NRXN2: variants seen among roughly 807,000 people sequenced by gnomAD.
The protein encoded by NRXN2 is neurexin 2.
Under a neutral mutation model 128.8 loss-of-function variants are expected in NRXN2, and 29 were observed. That is an observed-to-expected ratio of 0.23 (90% CI 0.17 to 0.31). The LOEUF (loss-of-function observed/expected upper bound fraction) is 0.31, where lower values mean the gene tolerates loss of function less well. Ranked by LOEUF, NRXN2 falls within the 10% of genes least tolerant of loss-of-function variation. NRXN2 has a pLI of 1.00. For synonymous variants in NRXN2, 1,098 were observed against 1,075.2 expected, an observed-to-expected ratio of 1.02 and a Z score of -0.41; for missense variants, 1,881 against 2,452.6, an observed-to-expected ratio of 0.77 and a Z score of 4.92.
In NRXN2 at chr11:64,630,682, C is replaced by T. The variant is rs901746930; in HGVS notation, c.3586-109G>A. ...CCCAGCTCCGCAGCACTTAAGGCAC[C>T]TTTCCCAGGTCTCAACCGCTGGAGG... On this transcript the variant is annotated intron_variant, in intron 18 of 22. Transcript: ENST00000265459. This position sits in a 1 kb window ranked among gnomAD's most constrained non-coding sequence, Gnocchi z 4.6. The T allele has an allele frequency of 1.9e-5, 24 of 1,294,658 alleles. No individual in the cohort carries two copies. The highest frequency in any genetic ancestry group is 3.8e-4 in the Middle Eastern group (2 of 5,204). 80.2% of individuals were successfully genotyped at this position (1,294,658 alleles called of 1,614,324 possible).
intron 6 of NRXN2, among the ~76,000 whole-genome samples, chr11:64,677,991 G>C (rs2051591814): frequency 6.6e-6 from 1 of 152,158 alleles, no homozygotes; most frequent in Admixed American, 6.5e-5. Flanking sequence ...AAAAGGAAGG[G>C]GTTCCCAAGG....
At chr11:64,675,137 C>T (rs1382908674) in intron 7 of NRXN2, 1 of 152,268 alleles carries the variant, frequency 6.6e-6, no homozygotes, top group Non-Finnish European at 1.5e-5. Context: ...AATTGGCCAG[C>T]TCCTGACAGG....
At chr11:64,692,376 G>A (rs1469641223) in intron 4 of NRXN2, among the ~76,000 whole-genome samples, 1 of 152,180 alleles carries the variant, frequency 6.6e-6, no homozygotes, top group Non-Finnish European at 1.5e-5. Context: ...TGAGGGTGAT[G>A]AGACTGCCTA....
In NRXN2 at chr11:64,607,958, G is replaced by A. The variant is rs1370247472; in HGVS notation, c.4377C>T (p.Thr1459=). The A allele has an allele frequency of 1.3e-6, 2 of 1,545,124 alleles. No individual in the cohort carries two copies. Among genetic ancestry groups the A allele is most frequent in the Non-Finnish European group, 1.7e-6 (2 of 1,147,020 alleles). Residue 1459 remains threonine, a synonymous_variant, in exon 23 of 23, where the codon ACC becomes ACT. Coordinates refer to ENST00000265459, the MANE Select transcript of NRXN2 (RefSeq NM_015080.4). The stretch of plus-strand genomic sequence containing the variant: ...CGGCGGGCGGGGGCAGCGTGTCTTG[G>A]GTGGCGCCCACTCCCGTGAGGAAGG... ...FYPFLTGVGA[T]QDTLPPPAAR...
At position 64,712,960 on chromosome 11, in the gene NRXN2, C is replaced by A. The variant is rs1042187902; in HGVS notation, c.730+10G>T. On this transcript the variant is annotated intron_variant, in intron 2 of 22. Coordinates refer to ENST00000265459, the MANE Select transcript of NRXN2 (RefSeq NM_015080.4). ...GCCCAGGCACCGGGCGGCCGCTCCCCGGGGCTCACCTTCGCTGCAGAACTT... is the reference window on the plus strand; with the variant it reads ...GCCCAGGCACCGGGCGGCCGCTCCCAGGGGCTCACCTTCGCTGCAGAACTT... The A allele has an allele frequency of 5.3e-6, 8 of 1,503,872 alleles. No homozygotes were observed. The highest frequency in any genetic ancestry group is 7.1e-6 in the Non-Finnish European group (8 of 1,131,576). The allele number at this position is 1,503,872 out of a possible 1,614,324, so 93.2% of individuals were successfully genotyped here. A position where few individuals can be genotyped will look rare whatever the true frequency, so the allele number is the denominator to read the frequency against.
At chr11:64,706,110 A>G (rs1273917900) in intron 2 of NRXN2, among the ~76,000 whole-genome samples, 2 of 1,734 alleles carry the variant, frequency 1.2e-3, no homozygotes, top group Admixed American at 0.014. Context: ...TATATAAAGT[A>G]TATATATATA....
In NRXN2 at chr11:64,695,860, C is replaced by T. The variant is rs112007257; in HGVS notation, c.748+1915G>A. ...AAATGGCGAGGTGGCGTCCACAGGC[C>T]TCCTTCCCCATGGGTCCCCAAAGCC... On this transcript the variant is annotated intron_variant, in intron 3 of 22. Transcript: ENST00000265459. Among the ~76,000 whole-genome samples, 582 of 152,192 alleles carry T rather than the reference C, an allele frequency of 3.8e-3. 4 individuals carry two copies. The highest frequency in any genetic ancestry group is 0.013 in the African/African-American group (559 of 41,492).
chr11:64,665,278 T>G (rs1400210042), intron 9 of NRXN2, among the ~76,000 whole-genome samples: 2 of 145,576 alleles, frequency 1.4e-5, no homozygotes, highest in African/African-American at 2.6e-5. Flanking sequence ...AGACTCCATC[T>G]CAAAAAAAAA....
chr11:64,662,146 T>G (rs968048238), intron 9 of NRXN2, among the ~76,000 whole-genome samples: 1 of 150,562 alleles, frequency 6.6e-6, no homozygotes, highest in African/African-American at 2.4e-5. Context: ...TAGTCCCAGC[T>G]ACTCGGGAGA....
chr11:64,705,598 G>A (rs1256859826), intron 2 of NRXN2, among the ~76,000 whole-genome samples: 1 of 151,726 alleles, frequency 6.6e-6, no homozygotes, highest in Non-Finnish European at 1.5e-5. Flanking sequence ...CACTTCATCT[G>A]ATCTCAGAGC....
rs267603102 is a variant in NRXN2, at chr11:64,660,927, G to A, written c.2011C>T (p.Arg671Trp). Residue 671 changes from arginine (R) to tryptophan (W), a missense_variant, in exon 10 of 23, where the codon CGG (arginine) becomes TGG (tryptophan). By Grantham distance (101) the Arg-to-Trp change is moderately radical (BLOSUM62 -3). Transcript: ENST00000265459. This position sits in a 1 kb window ranked among gnomAD's most constrained non-coding sequence, Gnocchi z 5.2. ...GCCCCCTGAGCCTCAGCCAGGCCCC[G>A]GAGGTCTCGGCTACGCCCATCTATG... Reference protein sequence around the residue: ...LFIDGRSRDLRGLAEAQGAVG... With the variant: ...LFIDGRSRDLWGLAEAQGAVG... The A allele has an allele frequency of 1.5e-5, 24 of 1,613,580 alleles. No homozygotes were observed. The highest frequency in any genetic ancestry group is 5.0e-5 in the Admixed American group (3 of 59,992).
rs571637336 is a variant in NRXN2 at position 64,626,285 on chromosome 11, T to C, written c.3847+178A>G. Among the ~76,000 whole-genome samples the C allele has an allele frequency of 2.4e-4, 37 of 152,222 alleles. No individual in the cohort carries two copies. The South Asian group carries it at 7.5e-3, about 31-fold the overall frequency. On this transcript the variant is annotated intron_variant, in intron 20 of 22. Coordinates refer to ENST00000265459, the MANE Select transcript of NRXN2 (RefSeq NM_015080.4). The stretch of plus-strand genomic sequence containing the variant: ...ACTCCTACCCCAAAAACCACCACTC[T>C]GAAATGCACAGACAGACCCTTGACT...
chr11:64,627,510 A>G (rs77309815), intron 19 of NRXN2, among the ~76,000 whole-genome samples: 2,972 of 151,484 alleles, frequency 0.02, 40 homozygotes, highest in Non-Finnish European at 0.033. Flanking sequence ...CCAGGCCCTC[A>G]GCCTTTCTTT....
chr11:64,660,634 A>T lies in NRXN2; in HGVS notation c.2186-99T>A, dbSNP rs1308436911. On this transcript the variant is annotated intron_variant, in intron 10 of 22. Coordinates refer to ENST00000265459, the MANE Select transcript of NRXN2 (RefSeq NM_015080.4). The surrounding 1 kb of genome is among the most constrained non-coding windows in gnomAD (Gnocchi z 5.2). ...ATTACAAGGGCGAAAAGCCTAGGGC[A>T]GGTCTATGAGGGGTTCCCCTAGGAG... 2 of 1,586,740 alleles carry T rather than the reference A, an allele frequency of 1.3e-6. No homozygotes were observed. Among genetic ancestry groups the T allele is most frequent in the Non-Finnish European group, 1.7e-6 (2 of 1,163,838 alleles).
In NRXN2 at chr11:64,712,958, C is replaced by G; in HGVS notation, c.730+12G>C. The G allele has an allele frequency of 6.6e-7, 1 of 1,504,606 alleles. No individual in the cohort carries two copies. The highest frequency in any genetic ancestry group is 1.2e-5 in the South Asian group (1 of 81,658). 93.2% of individuals were successfully genotyped at this position (1,504,606 alleles called of 1,614,324 possible). On this transcript the variant is annotated intron_variant, in intron 2 of 22. Transcript: ENST00000265459. ...GCGCCCAGGCACCGGGCGGCCGCTC[C>G]CCGGGGCTCACCTTCGCTGCAGAAC... is the stretch of plus-strand genomic sequence containing the variant.
intron 17 of NRXN2, chr11:64,642,448 G>C: frequency 3.4e-6 from 5 of 1,484,586 alleles, no homozygotes; most frequent in Non-Finnish European, 4.5e-6. Flanking sequence ...TGCACAGCTG[G>C]GGTGGGGCCC....
In NRXN2 at chr11:64,651,322, G is replaced by C. The variant is rs779839094; in HGVS notation, c.2851C>G (p.Pro951Ala). ...GAGTTGAACAGAAGAAGCCCATCAG[G>C]GGCCGTGGTCTTGAACTGGAAGAAG... ...HLFFQFKTTA[P>A]DGLLLFNSGN... is the part of the protein sequence containing the mutation. The change falls in exon 14 of 23, where the codon CCT becomes GCT. Residue 951 changes from proline to alanine, a missense_variant. Transcript: ENST00000265459. This position sits in a 1 kb window ranked among gnomAD's most constrained non-coding sequence, Gnocchi z 5.9. 2 of 1,614,202 alleles carry C rather than the reference G, an allele frequency of 1.2e-6. No homozygotes were observed. Among genetic ancestry groups the C allele is most frequent in the Admixed American group, 3.3e-5 (2 of 60,022 alleles).
intron 11 of NRXN2, 49 bp from the exon 12 acceptor site, chr11:64,653,771 A>C (rs1265315123): frequency 4.2e-6 from 6 of 1,439,906 alleles, no homozygotes; most frequent in Non-Finnish European, 5.7e-6. Context: ...CAAAAAGGTA[A>C]AACAAGTTTT....
At chr11:64,673,688 TTGTG>T (rs3080431) in intron 7 of NRXN2, among the ~76,000 whole-genome samples, 8 of 151,296 alleles carry the variant, frequency 5.3e-5, no homozygotes, top group East Asian at 1.9e-4. Flanking sequence ...TTTGTTTTGT[TTGTG>T]TGTGTGTGTG....
Sources: gnomAD v4.1 joint callset for allele counts (sites outside exome capture counted in the v4.1 genomes callset) on GRCh38, gnomAD v4.1.1 for gene constraint, Gnocchi (gnomAD v3.1) non-coding constraint, MANE v1.5 for transcripts, NCBI Gene and HGNC (gene_info 2026-07-23, HGNC 2026-07-21) for gene names.